NRXN3: variants seen among roughly 807,000 people sequenced by gnomAD.
NRXN3 encodes neurexin III.
A neutral mutation model predicts 137.6 loss-of-function variants in NRXN3; 32 were observed. That is an observed-to-expected ratio of 0.23 (90% CI 0.18 to 0.31). The LOEUF (loss-of-function observed/expected upper bound fraction) is 0.31, where lower values mean the gene tolerates loss of function less well. NRXN3 is among the 10% of genes least tolerant of loss of function. The pLI is 1.00. For synonymous variants in NRXN3, 798 were observed against 784.5 expected (o/e 1.02, Z -0.29); for missense variants, 1,574 against 2,062.5 (o/e 0.76, Z 4.59).
At chr14:78,386,794 T>G (rs2090033413) in intron 4 of NRXN3, among the ~76,000 whole-genome samples, 1 of 152,082 alleles carries the variant, frequency 6.6e-6, no homozygotes, top group Non-Finnish European at 1.5e-5. Context: ...TTTTCTTTTT[T>G]TTTTGAGATG....
intron 1 of NRXN3, among the ~76,000 whole-genome samples, chr14:78,211,292 C>T (rs967375732): frequency 1.3e-5 from 2 of 152,174 alleles, no homozygotes; most frequent in Non-Finnish European, 2.9e-5. Context: ...GGGCTAGGCT[C>T]TTGTGGGTGG....
rs149464693 is a variant in NRXN3 at position 78,742,884 on chromosome 14, G to A, written c.2044+27745G>A. ...ATAAATCCTTAGTTTTCTACTTCTT[G>A]CAAATAAACAGCTTAGTTAAATAAA... On this transcript the variant is annotated intron_variant, in intron 8 of 20. Coordinates refer to ENST00000335750, the MANE Select transcript of NRXN3 (RefSeq NM_001330195.2). Among the ~76,000 whole-genome samples the A allele has an allele frequency of 5.3e-3, 799 of 152,178 alleles. 8 individuals are homozygous for A. The highest frequency in any genetic ancestry group is 6.1e-3 in the Non-Finnish European group (417 of 67,992).
At chr14:79,668,965 G>A (rs1293323327) in intron 17 of NRXN3, among the ~76,000 whole-genome samples, 1 of 151,958 alleles carries the variant, frequency 6.6e-6, no homozygotes, top group East Asian at 1.9e-4. Context: ...CAATTATTGA[G>A]ACTTTAAAGG....
rs571606345 is a variant in NRXN3, at chr14:79,329,960, C to T, written c.3263-137261C>T. On this transcript the variant is annotated intron_variant, in intron 15 of 20. Coordinates refer to ENST00000335750, the MANE Select transcript of NRXN3 (RefSeq NM_001330195.2). ...GGTTCAAGCAATTCTCCTGCCTCAGCTTTCCGAGTAGTGGGAACACACCAC... is the reference window on the plus strand; with the variant it reads ...GGTTCAAGCAATTCTCCTGCCTCAGTTTTCCGAGTAGTGGGAACACACCAC... Among the ~76,000 whole-genome samples, 11 of 151,722 alleles carry T rather than the reference C, an allele frequency of 7.3e-5. 1 individual carries two copies. The East Asian group carries it at 1.8e-3, about 24-fold the overall frequency.
At chr14:78,669,301 C>T (rs1016504822) in intron 6 of NRXN3, among the ~76,000 whole-genome samples, 4 of 151,996 alleles carry the variant, frequency 2.6e-5, no homozygotes, top group East Asian at 1.9e-4. Context: ...GTATTGTTCC[C>T]GGAAAGGGAT....
intron 20 of NRXN3, among the ~76,000 whole-genome samples, chr14:79,830,941 A>T (rs888073268): frequency 2.0e-5 from 3 of 152,188 alleles, no homozygotes; most frequent in African/African-American, 7.2e-5. Flanking sequence ...ATGAAATGGG[A>T]AACAGGTTGA....
At chr14:79,176,023 AAAACC>A (rs746869900) in intron 15 of NRXN3, among the ~76,000 whole-genome samples, 3 of 152,220 alleles carry the variant, frequency 2.0e-5, no homozygotes, top group Non-Finnish European at 4.4e-5. Context: ...AAGGAAGACA[AAAACC>A]AAACCAAACC....
chr14:79,739,887 T>TC (rs919364350), intron 19 of NRXN3, among the ~76,000 whole-genome samples: 3 of 152,132 alleles, frequency 2.0e-5, no homozygotes, highest in African/African-American at 7.2e-5. Context: ...GTACCTATCC[T>TC]CCACTCTGCA....
intron 8 of NRXN3, among the ~76,000 whole-genome samples, chr14:78,742,696 G>T (rs762137618): frequency 6.6e-6 from 1 of 152,088 alleles, no homozygotes; most frequent in Non-Finnish European, 1.5e-5. Flanking sequence ...AATTTTGACG[G>T]TATAATGAAA....
At chr14:79,445,702 A>G (rs749760794) in intron 15 of NRXN3, among the ~76,000 whole-genome samples, 4 of 152,218 alleles carry the variant, frequency 2.6e-5, no homozygotes, top group African/African-American at 4.8e-5. Context: ...CAAAGATCCC[A>G]AAGCCACAGA....
At chr14:78,188,823 T>C (rs1350207509) in intron 1 of NRXN3, among the ~76,000 whole-genome samples, 2 of 152,100 alleles carry the variant, frequency 1.3e-5, no homozygotes, top group African/African-American at 4.8e-5. Context: ...TACGGGTTGG[T>C]TGGGAATATT....
At chr14:78,277,189 C>G (rs1341499043) in intron 2 of NRXN3, among the ~76,000 whole-genome samples, 1 of 152,150 alleles carries the variant, frequency 6.6e-6, no homozygotes. Flanking sequence ...GGCAAGGGCC[C>G]TAAGGACACA....
intron 2 of NRXN3, among the ~76,000 whole-genome samples, chr14:78,270,502 C>T (rs1056728411): frequency 2.0e-5 from 3 of 152,184 alleles, no homozygotes; most frequent in Non-Finnish European, 4.4e-5. Flanking sequence ...CCTCACCCTG[C>T]CGTGTGGGAG....
chr14:78,829,698 T>C (rs1451020596), intron 10 of NRXN3, among the ~76,000 whole-genome samples: 1 of 152,164 alleles, frequency 6.6e-6, no homozygotes, highest in Non-Finnish European at 1.5e-5. Context: ...GTTTTTAAAA[T>C]AAAATTATTT....
At chr14:78,583,454 T>C (rs188534120) in intron 4 of NRXN3, among the ~76,000 whole-genome samples, 1 of 151,814 alleles carries the variant, frequency 6.6e-6, no homozygotes, top group East Asian at 1.9e-4. Context: ...CCAAAAAGTA[T>C]TGCCAGTTCC....
At chr14:79,359,789 ACT>A (rs1239407143) in intron 15 of NRXN3, among the ~76,000 whole-genome samples, 1 of 151,784 alleles carries the variant, frequency 6.6e-6, no homozygotes, top group Admixed American at 6.6e-5. Flanking sequence ...CAGAGCAATA[ACT>A]CTGTAGGGAA....
chr14:78,962,730 T>C (rs1241838400), intron 11 of NRXN3, among the ~76,000 whole-genome samples: 2 of 152,010 alleles, frequency 1.3e-5, no homozygotes, highest in South Asian at 2.1e-4. Context: ...TTCTTTTTTT[T>C]TGAGACGGAC....
chr14:78,587,198 A>G (rs1282365922), intron 4 of NRXN3, among the ~76,000 whole-genome samples: 2 of 152,230 alleles, frequency 1.3e-5, no homozygotes, highest in African/African-American at 4.8e-5. Context: ...TGGGAATGTC[A>G]TAAAAGAGAA....
At chr14:79,021,926 C>G (rs1378177320) in intron 15 of NRXN3, among the ~76,000 whole-genome samples, 1 of 152,156 alleles carries the variant, frequency 6.6e-6, no homozygotes, top group African/African-American at 2.4e-5. Context: ...TGATTTAAAA[C>G]TCAGGGGCAA....
Sources: allele counts gnomAD v4.1 joint callset (sites outside exome capture counted in the v4.1 genomes callset), GRCh38; gene constraint gnomAD v4.1.1; transcripts MANE v1.5; gene names NCBI Gene and HGNC (gene_info 2026-07-23, HGNC 2026-07-21).